Variants in PLXNA4 observed in about 807,000 individuals in gnomAD.
The protein encoded by PLXNA4 is plexin A4.
Under a neutral mutation model 191.8 loss-of-function variants are expected in PLXNA4, and 44 were observed. The observed-to-expected ratio is 0.23, with a 90% CI of 0.18 to 0.29. The LOEUF (loss-of-function observed/expected upper bound fraction) is 0.29, where lower values mean the gene tolerates loss of function less well. Ranked by LOEUF, PLXNA4 falls within the 10% of genes least tolerant of loss-of-function variation. The probability of loss-of-function intolerance (pLI) is 1.00; values close to 1 mark genes in which losing one functional copy is unlikely to be tolerated. For missense variants in PLXNA4, 1,800 were observed against 2,488.8 expected (o/e 0.72, Z 5.89); for synonymous variants, 1,082 against 1,009.5 (o/e 1.07, Z -1.36).
At chr7:132,415,246 CT>C (rs1794621179) in intron 3 of PLXNA4, among the ~76,000 whole-genome samples, 1 of 152,250 alleles carries the variant, frequency 6.6e-6, no homozygotes, top group South Asian at 2.1e-4. Context: ...GGTCATCGCC[CT>C]GCTCCCCATC....
At chr7:132,502,853 G>A (rs1585234652) in intron 2 of PLXNA4, among the ~76,000 whole-genome samples, 1 of 152,168 alleles carries the variant, frequency 6.6e-6, no homozygotes, top group African/African-American at 2.4e-5. Context: ...ACTCCAGTGT[G>A]TTATTTCCAG....
chr7:132,318,167 G>T (rs1186679357), intron 3 of PLXNA4, among the ~76,000 whole-genome samples: 1 of 152,146 alleles, frequency 6.6e-6, no homozygotes, highest in African/African-American at 2.4e-5. Flanking sequence ...GAGAGGGCAG[G>T]GGTAGCATCT....
chr7:132,128,268 A>G lies in PLXNA4; in HGVS notation c.*2211T>C, dbSNP rs1481018264. 6.6e-6 allele frequency: 1 copy of G among 151,910 alleles called. No individual in the cohort carries two copies. The highest frequency in any genetic ancestry group is 1.5e-5 in the Non-Finnish European group (1 of 67,988). The allele number at this position is 151,910 out of a possible 1,614,324, so 9.4% of individuals were successfully genotyped here. A position where few individuals can be genotyped will look rare whatever the true frequency, so the allele number is the denominator to read the frequency against. On this transcript the variant is annotated 3_prime_UTR_variant, in exon 32 of 32. Transcript: ENST00000321063. ...TCCACCTGGTACTGCACTTGCCAAA[A>G]CCTTTGGTTATTTATTTTTTTTCTT...
upstream of PLXNA4, among the ~76,000 whole-genome samples, chr7:132,580,063 C>T (rs564839240): frequency 3.3e-5 from 5 of 152,214 alleles, no homozygotes; most frequent in Non-Finnish European, 5.9e-5. Flanking sequence ...TCATCTCTCA[C>T]CTGACACATT....
At chr7:132,144,538 T>C (rs1015233508) in intron 29 of PLXNA4, among the ~76,000 whole-genome samples, 13 of 152,210 alleles carry the variant, frequency 8.5e-5, no homozygotes, top group African/African-American at 3.1e-4. Context: ...AGAGAGCAAT[T>C]GCTTGAATAG....
At position 132,471,440 on chromosome 7, in the gene PLXNA4, C is replaced by T. The variant is rs562479947; in HGVS notation, c.1371+17852G>A. 1.3e-3 allele frequency among the ~76,000 whole-genome samples: 200 copies of T among 152,232 alleles called. 3 individuals are homozygous for T. In the South Asian group the frequency reaches 0.038, roughly 29 times the overall value. ...TACACTGCCCGTTCCTGGTGAGGTG[C>T]CCCTCTTCCTTCATCCCTTCATGGC... On this transcript the variant is annotated intron_variant, in intron 3 of 31. Coordinates refer to ENST00000321063, the MANE Select transcript of PLXNA4 (RefSeq NM_020911.2).
chr7:132,528,349 A>C (rs1799491595), intron 1 of PLXNA4, among the ~76,000 whole-genome samples: 1 of 152,166 alleles, frequency 6.6e-6, no homozygotes, highest in South Asian at 2.1e-4. Flanking sequence ...AGGAGCAGCC[A>C]ACCCACCAAT....
intron 25 of PLXNA4, among the ~76,000 whole-genome samples, chr7:132,151,217 CGAA>C (rs1236249556): frequency 1.6e-5 from 2 of 127,100 alleles, no homozygotes; most frequent in Admixed American, 9.2e-5. Flanking sequence ...AGGAAGAAGA[CGAA>C]GAGGAAAAAG....
At chr7:132,233,918 C>CAAA (rs1798606981) in intron 5 of PLXNA4, among the ~76,000 whole-genome samples, 1 of 151,384 alleles carries the variant, frequency 6.6e-6, no homozygotes, top group South Asian at 2.1e-4. Flanking sequence ...TCCAGATGAT[C>CAAA]CCAAACCAAA....
At chr7:132,331,877 G>A (rs540555424) in intron 3 of PLXNA4, among the ~76,000 whole-genome samples, 1 of 152,254 alleles carries the variant, frequency 6.6e-6, no homozygotes, top group African/African-American at 2.4e-5. Flanking sequence ...GCTGTGGCTA[G>A]AGACATTAAT....
Position 132,305,887 on chromosome 7 carries a change from T to C in PLXNA4, c.1372-7665A>G, listed in dbSNP as rs141541462. Among the ~76,000 whole-genome samples, 1,415 of 152,020 alleles carry C rather than the reference T, an allele frequency of 9.3e-3. 18 individuals carry two copies. The highest frequency in any genetic ancestry group is 0.032 in the African/African-American group (1,313 of 41,472). On this transcript the variant is annotated intron_variant, in intron 3 of 31. Coordinates refer to ENST00000321063, the MANE Select transcript of PLXNA4 (RefSeq NM_020911.2). ...TTCACATCCTCCCCAAACTTCCTAATGGAGGTCTACACCTTCGAGATTTGG... is the reference window on the plus strand; with the variant it reads ...TTCACATCCTCCCCAAACTTCCTAACGGAGGTCTACACCTTCGAGATTTGG...
chr7:132,534,309 G>C (rs1398561110), intron 1 of PLXNA4, among the ~76,000 whole-genome samples: 1 of 152,144 alleles, frequency 6.6e-6, no homozygotes, highest in East Asian at 1.9e-4. Context: ...ACCAGCCCCA[G>C]GGCCACCGCC....
At chr7:132,598,973 T>G (rs1802767304) in intron 2 of PLXNA4, among the ~76,000 whole-genome samples, 1 of 152,220 alleles carries the variant, frequency 6.6e-6, no homozygotes, top group South Asian at 2.1e-4. Context: ...GGAACTAGTG[T>G]AATGGTTATC....
intron 1 of PLXNA4, among the ~76,000 whole-genome samples, chr7:132,520,185 G>A (rs545254972): frequency 7.2e-5 from 11 of 152,198 alleles, no homozygotes; most frequent in Non-Finnish European, 1.3e-4. Context: ...TCTAGATTGT[G>A]GAGAGCCTCA....
chr7:132,433,979 T>G (rs1183002321), intron 3 of PLXNA4, among the ~76,000 whole-genome samples: 1 of 152,192 alleles, frequency 6.6e-6, no homozygotes, highest in Non-Finnish European at 1.5e-5. Context: ...TGAACCAGTG[T>G]CAGCCCATCA....
intron 3 of PLXNA4, among the ~76,000 whole-genome samples, chr7:132,458,014 C>T (rs1255621186): frequency 6.6e-6 from 1 of 152,154 alleles, no homozygotes; most frequent in Non-Finnish European, 1.5e-5. Flanking sequence ...CGTTTGAAGC[C>T]ACCAAATTTG....
chr7:132,151,982 T>C (rs1017764280), intron 25 of PLXNA4, among the ~76,000 whole-genome samples: 1 of 152,208 alleles, frequency 6.6e-6, no homozygotes, highest in African/African-American at 2.4e-5. Context: ...CATACTTACC[T>C]GCCCTCCTTC....
At chr7:132,404,101 A>G (rs994936775) in intron 3 of PLXNA4, among the ~76,000 whole-genome samples, 2 of 152,246 alleles carry the variant, frequency 1.3e-5, no homozygotes, top group African/African-American at 4.8e-5. Flanking sequence ...CGGGTCCCCA[A>G]GCACCTCCAT....
intron 1 of PLXNA4, among the ~76,000 whole-genome samples, chr7:132,540,536 C>T (rs1359161756): frequency 1.4e-5 from 2 of 142,950 alleles, no homozygotes; most frequent in African/African-American, 5.2e-5. Context: ...TGGATGTTGG[C>T]TCAAGAGAGC....
Sources: gnomAD v4.1 joint callset for allele counts (sites outside exome capture counted in the v4.1 genomes callset) on GRCh38, gnomAD v4.1.1 for gene constraint, MANE v1.5 for transcripts, NCBI Gene and HGNC (gene_info 2026-07-23, HGNC 2026-07-21) for gene names.